Variants in TRAPPC9 observed in about 807,000 individuals in gnomAD.
TRAPPC9 encodes IKK2 binding protein.
Under a neutral mutation model 124.0 loss-of-function variants are expected in TRAPPC9, and 83 were observed. The observed-to-expected ratio is 0.67, with a 90% CI of 0.56 to 0.80. The LOEUF is 0.80. Among genes scored for constraint, TRAPPC9 ranks in the 30% least tolerant of loss-of-function variants. The pLI, the probability that TRAPPC9 is intolerant of heterozygous loss-of-function variation, is 0.00. For synonymous variants in TRAPPC9, 638 were observed against 617.5 expected (o/e 1.03, Z -0.49); for missense variants, 1,302 against 1,508.3 (o/e 0.86, Z 2.27).
intron 21 of TRAPPC9, among the ~76,000 whole-genome samples, chr8:139,777,604 G>A (rs12676068): frequency 0.087 from 13,247 of 152,308 alleles, 713 homozygotes; most frequent in South Asian, 0.18. Flanking sequence ...CTTACATAAC[G>A]TGTATGTTGG....
chr8:140,145,864 T>C (rs2061454835), intron 17 of TRAPPC9, among the ~76,000 whole-genome samples: 1 of 149,952 alleles, frequency 6.7e-6, no homozygotes, highest in Non-Finnish European at 1.5e-5. Context: ...ATTTTCTTCC[T>C]TCACATGTTT....
intron 9 of TRAPPC9, among the ~76,000 whole-genome samples, chr8:140,311,644 C>A (rs1174799385): frequency 6.6e-6 from 1 of 152,106 alleles, no homozygotes; most frequent in Non-Finnish European, 1.5e-5. Context: ...AGAAAATAAA[C>A]CCTTATCAAA....
intron 7 of TRAPPC9, among the ~76,000 whole-genome samples, chr8:140,375,419 G>T (rs1335783754): frequency 6.6e-6 from 1 of 152,134 alleles, no homozygotes; most frequent in Non-Finnish European, 1.5e-5. Context: ...CCATTTCCAA[G>T]TAGAAAGTAA....
At chr8:140,144,862 T>C (rs1042285135) in intron 17 of TRAPPC9, among the ~76,000 whole-genome samples, 2 of 152,112 alleles carry the variant, frequency 1.3e-5, no homozygotes, top group Non-Finnish European at 2.9e-5. Flanking sequence ...AGGAAACCTG[T>C]TGAACTCTTT....
chr8:139,898,159 T>G (rs1478459870), intron 20 of TRAPPC9, among the ~76,000 whole-genome samples: 1 of 152,226 alleles, frequency 6.6e-6, no homozygotes, highest in Non-Finnish European at 1.5e-5. Context: ...GGCGGCTACT[T>G]GCCCAGGAAG....
chr8:140,113,654 C>T lies in TRAPPC9; in HGVS notation c.2557-89575G>A, dbSNP rs151129919. Among the ~76,000 whole-genome samples the T allele has an allele frequency of 7.6e-3, 1,151 of 152,198 alleles. 10 individuals are homozygous for T. Among genetic ancestry groups the T allele is most frequent in the African/African-American group, 0.025 (1,058 of 41,522 alleles). The stretch of plus-strand genomic sequence containing the variant: ...ACTGTGAACCTGGGCTCTGCCTGTC[C>T]GTAGGAAGCAACTTCCACTTCCTAC... On this transcript the variant is annotated intron_variant, in intron 17 of 22. Coordinates refer to ENST00000438773, the MANE Select transcript of TRAPPC9 (RefSeq NM_001160372.4).
intron 17 of TRAPPC9, among the ~76,000 whole-genome samples, chr8:140,039,337 T>C (rs1841115298): frequency 6.6e-6 from 1 of 152,204 alleles, no homozygotes; most frequent in Admixed American, 6.5e-5. Flanking sequence ...GAGGACACTT[T>C]CTTGTTAATG....
At chr8:139,947,907 T>TATATATAGAGAGAGAG in intron 19 of TRAPPC9, among the ~76,000 whole-genome samples, 1 of 60,360 alleles carries the variant, frequency 1.7e-5, no homozygotes, top group Admixed American at 2.0e-4. Flanking sequence ...TATATATATA[T>TATATATAGAGAGAGAG]AGAGAGAGAG....
intron 17 of TRAPPC9, among the ~76,000 whole-genome samples, chr8:140,159,141 G>A (rs1156957315): frequency 6.6e-6 from 1 of 152,108 alleles, no homozygotes; most frequent in African/African-American, 2.4e-5. Flanking sequence ...TCCCCCGCCC[G>A]CCGCCGCCAA....
chr8:139,884,976 A>G (rs1829910853), intron 21 of TRAPPC9, among the ~76,000 whole-genome samples: 2 of 152,172 alleles, frequency 1.3e-5, no homozygotes, highest in South Asian at 4.1e-4. Flanking sequence ...TTCTCCTCAC[A>G]CCACTGGAAT....
chr8:140,068,679 T>C (rs1222817931), intron 17 of TRAPPC9, among the ~76,000 whole-genome samples: 1 of 152,222 alleles, frequency 6.6e-6, no homozygotes, highest in Non-Finnish European at 1.5e-5. Flanking sequence ...AATTCATCCA[T>C]TTGTATTTTG....
At chr8:140,081,003 T>A (rs1843782697) in intron 17 of TRAPPC9, among the ~76,000 whole-genome samples, 1 of 152,216 alleles carries the variant, frequency 6.6e-6, no homozygotes, top group Admixed American at 6.5e-5. Context: ...AAGCCTGGAC[T>A]CCTGCTGTGC....
In TRAPPC9 at chr8:140,050,885, A is replaced by C. The variant is rs561380092; in HGVS notation, c.2557-26806T>G. Among the ~76,000 whole-genome samples, 5 of 152,284 alleles carry C rather than the reference A, an allele frequency of 3.3e-5. No homozygotes were observed. The East Asian group carries it at 9.7e-4, about 29-fold the overall frequency. On this transcript the variant is annotated intron_variant, in intron 17 of 22. Coordinates refer to ENST00000438773, the MANE Select transcript of TRAPPC9 (RefSeq NM_001160372.4). ...CCTGCACAGGGGGAAGGGCACCTGCACGTGGCCTTCTTTCTCAGCTGGGCA... is the reference window on the plus strand; with the variant it reads ...CCTGCACAGGGGGAAGGGCACCTGCCCGTGGCCTTCTTTCTCAGCTGGGCA...
At chr8:139,947,913 G>T (rs1177512331) in intron 19 of TRAPPC9, among the ~76,000 whole-genome samples, 2,452 of 51,940 alleles carry the variant, frequency 0.047, 233 homozygotes, top group African/African-American at 0.13. Flanking sequence ...TATATAGAGA[G>T]AGAGAGAGAG....
chr8:140,409,559 C>T (rs2069617578), intron 5 of TRAPPC9, among the ~76,000 whole-genome samples: 2 of 152,132 alleles, frequency 1.3e-5, no homozygotes, highest in Admixed American at 1.3e-4. Flanking sequence ...ATCAAACATC[C>T]ACATGCAGAA....
In TRAPPC9 at chr8:139,778,830, G is replaced by A. The variant is rs145734581; in HGVS notation, c.3056-46628C>T. 3.3e-4 allele frequency among the ~76,000 whole-genome samples: 50 copies of A among 152,266 alleles called. No homozygotes were observed. The East Asian group carries it at 9.2e-3, about 28-fold the overall frequency. ...AACTGGAGACCTCTGAAGGAGAAGA[G>A]AGTGGAGGGAGACAGGAAAAATAAT... On this transcript the variant is annotated intron_variant, in intron 21 of 22. Coordinates refer to ENST00000438773, the MANE Select transcript of TRAPPC9 (RefSeq NM_001160372.4).
chr8:140,007,160 G>T (rs548611543), intron 18 of TRAPPC9, among the ~76,000 whole-genome samples: 2 of 152,306 alleles, frequency 1.3e-5, no homozygotes, highest in Non-Finnish European at 2.9e-5. Context: ...TGAACAAACA[G>T]TTGAAACTTT....
intron 7 of TRAPPC9, among the ~76,000 whole-genome samples, chr8:140,388,234 G>C (rs1414886586): frequency 2.1e-5 from 3 of 144,954 alleles, no homozygotes; most frequent in Non-Finnish European, 4.5e-5. Context: ...GGGGTGGGGA[G>C]GGGGGAGGTG....
intron 19 of TRAPPC9, chr8:139,914,895 G>A (rs1563918543): frequency 6.6e-6 from 1 of 152,244 alleles, no homozygotes; most frequent in Admixed American, 6.5e-5. Flanking sequence ...AAACACACAG[G>A]TGAGGTCTTA....
Sources: gnomAD v4.1 joint callset for allele counts (sites outside exome capture counted in the v4.1 genomes callset) on GRCh38, gnomAD v4.1.1 for gene constraint, MANE v1.5 for transcripts, NCBI Gene and HGNC (gene_info 2026-07-23, HGNC 2026-07-21) for gene names.